Variants in SLC23A2 observed in about 807,000 individuals in gnomAD.
The protein encoded by SLC23A2 is Na(+)/L-ascorbic acid transporter 2.
SLC23A2 carries 36 observed loss-of-function variants against 73.3 expected under a neutral mutation model. The observed-to-expected ratio is 0.49, with a 90% confidence interval of 0.38 to 0.65. SLC23A2 has a LOEUF of 0.65. Among genes scored for constraint, SLC23A2 ranks in the 30% least tolerant of loss-of-function variants. The probability of loss-of-function intolerance (pLI) is 0.00; values close to 1 mark genes in which losing one functional copy is unlikely to be tolerated. For missense variants in SLC23A2, 507 were observed against 841.6 expected (o/e 0.60, Z 4.92); for synonymous variants, 343 against 327.3 (o/e 1.05, Z -0.52).
At chr20:4,889,395 C>T (rs983614061) in intron 6 of SLC23A2, among the ~76,000 whole-genome samples, 2 of 151,802 alleles carry the variant, frequency 1.3e-5, no homozygotes, top group African/African-American at 2.4e-5. Context: ...ACAAATGCCC[C>T]GCATTCTTCC....
chr20:4,971,724 C>T (rs1442446206), intron 1 of SLC23A2, among the ~76,000 whole-genome samples: 2 of 151,884 alleles, frequency 1.3e-5, no homozygotes, highest in East Asian at 3.9e-4. Context: ...GAGGTCAAGG[C>T]TGCAGTGAGC....
At chr20:4,912,667 CAAAAAAAA>C (rs36084071) in intron 4 of SLC23A2, among the ~76,000 whole-genome samples, 8 of 73,990 alleles carry the variant, frequency 1.1e-4, no homozygotes, top group East Asian at 4.7e-4. Flanking sequence ...TTAAAACAAT[CAAAAAAAA>C]AAAAAAAAAA....
At chr20:4,989,913 A>G (rs2087898457) in intron 1 of SLC23A2, among the ~76,000 whole-genome samples, 4 of 152,126 alleles carry the variant, frequency 2.6e-5, no homozygotes, top group Admixed American at 2.0e-4. Context: ...GTGCTATTAC[A>G]TTTTCCTCAC....
At chr20:5,004,178 G>A (rs991509074), upstream of SLC23A2, among the ~76,000 whole-genome samples, 2 of 152,096 alleles carry the variant, frequency 1.3e-5, no homozygotes, top group African/African-American at 4.8e-5. Context: ...AACCTGCCCT[G>A]AATATTCTCC....
chr20:4,899,791 C>A lies in SLC23A2; in HGVS notation c.325-79G>T. On this transcript the variant is annotated intron_variant, in intron 5 of 16. Coordinates refer to ENST00000338244, the MANE Select transcript of SLC23A2 (RefSeq NM_005116.6). This position sits in a 1 kb window ranked among gnomAD's most constrained non-coding sequence, Gnocchi z 4.9. The stretch of plus-strand genomic sequence containing the variant: ...CTTGATTTCATCCTAATTCTTCTCT[C>A]TTATTGTCGTTAAAAAATAGCCCAC... 1.4e-6 allele frequency: 2 copies of A among 1,418,786 alleles called. No homozygotes were observed. The highest frequency in any genetic ancestry group is 2.0e-5 in the Admixed American group (1 of 49,488). The allele number at this position is 1,418,786 out of a possible 1,614,324, so 87.9% of individuals were successfully genotyped here.
chr20:4,895,710 T>C (rs1353197268), intron 6 of SLC23A2, among the ~76,000 whole-genome samples: 1 of 152,178 alleles, frequency 6.6e-6, no homozygotes, highest in African/African-American at 2.4e-5. Context: ...CCCAAGGGGT[T>C]AGAATTCCAT....
chr20:5,005,772 G>A (rs2088183997), upstream of SLC23A2, among the ~76,000 whole-genome samples: 1 of 152,150 alleles, frequency 6.6e-6, no homozygotes, highest in South Asian at 2.1e-4. Flanking sequence ...TGGATCACTT[G>A]AGGTCAGGAG....
intron 2 of SLC23A2, among the ~76,000 whole-genome samples, chr20:4,954,698 C>T (rs979050675): frequency 1.8e-5 from 1 of 55,120 alleles, no homozygotes; most frequent in Non-Finnish European, 4.4e-5. Context: ...GACTCCATCA[C>T]AAAAAAAAAA....
upstream of SLC23A2, among the ~76,000 whole-genome samples, chr20:5,003,865 C>T (rs1162681307): frequency 6.6e-6 from 1 of 152,130 alleles, no homozygotes; most frequent in Non-Finnish European, 1.5e-5. Flanking sequence ...GGTTTACAGT[C>T]CTTTTCTTCT....
intron 4 of SLC23A2, among the ~76,000 whole-genome samples, chr20:4,904,701 A>G (rs1247501615): frequency 6.6e-6 from 1 of 152,262 alleles, no homozygotes; most frequent in East Asian, 1.9e-4. Context: ...ATTTCATAAC[A>G]AAGAGAAATG....
chr20:4,864,971 T>C (rs780196814), intron 13 of SLC23A2, among the ~76,000 whole-genome samples: 2 of 152,208 alleles, frequency 1.3e-5, no homozygotes, highest in Non-Finnish European at 2.9e-5. Flanking sequence ...GTCAACAATA[T>C]ATGCAGCAAC....
intron 6 of SLC23A2, among the ~76,000 whole-genome samples, chr20:4,895,625 G>A (rs1477315584): frequency 6.6e-6 from 1 of 152,180 alleles, no homozygotes; most frequent in Non-Finnish European, 1.5e-5. Context: ...AACGGGGCTC[G>A]AGGGGTCACT....
upstream of SLC23A2, among the ~76,000 whole-genome samples, chr20:5,002,248 G>A (rs896433784): frequency 3.3e-5 from 5 of 152,270 alleles, no homozygotes; most frequent in African/African-American, 9.6e-5. Context: ...GATGCAGATG[G>A]CTGGGCCCCA....
chr20:4,873,402 A>G (rs1032842927), intron 11 of SLC23A2, among the ~76,000 whole-genome samples: 5 of 152,348 alleles, frequency 3.3e-5, no homozygotes, highest in African/African-American at 1.2e-4. Context: ...TCACACCCCC[A>G]ACAGTTACAC....
intron 2 of SLC23A2, among the ~76,000 whole-genome samples, chr20:4,962,887 C>CA (rs1471269647): frequency 2.6e-5 from 4 of 152,150 alleles, no homozygotes; most frequent in Non-Finnish European, 4.4e-5. Context: ...ATCCCAGCTA[C>CA]TCAGGGGGCT....
At chr20:4,922,674 G>T (rs1010723351) in intron 3 of SLC23A2, among the ~76,000 whole-genome samples, 2 of 152,080 alleles carry the variant, frequency 1.3e-5, no homozygotes, top group Middle Eastern at 6.8e-3. Flanking sequence ...CAAAAAATAC[G>T]AAAATTAGCT....
intron 4 of SLC23A2, among the ~76,000 whole-genome samples, chr20:4,903,271 C>T (rs1426240948): frequency 6.6e-6 from 1 of 152,016 alleles, no homozygotes; most frequent in Non-Finnish European, 1.5e-5. Flanking sequence ...AAAGACCAGT[C>T]ACTTTAGGTT....
chr20:4,873,005 C>T (rs997808850), intron 11 of SLC23A2, among the ~76,000 whole-genome samples: 15 of 152,192 alleles, frequency 9.9e-5, no homozygotes, highest in Non-Finnish European at 1.0e-4. Flanking sequence ...CCTCCTGCCT[C>T]GGCCTCCCCA....
At position 4,907,572 on chromosome 20, in the gene SLC23A2, CA is replaced by C. The variant is rs546981429; in HGVS notation, c.208-5015del. 1.5e-3 allele frequency among the ~76,000 whole-genome samples: 226 copies of C among 151,666 alleles called. 2 individuals are homozygous for C. The highest frequency in any genetic ancestry group is 4.8e-3 in the African/African-American group (197 of 41,352). The stretch of plus-strand genomic sequence containing the variant: ...AAAGACTTTAACCAGTAAACAAAAC[CA>C]AAAAACAATAAAAGAGGTCTCAGAA... On this transcript the variant is annotated intron_variant, in intron 4 of 16. Transcript: ENST00000338244.
Sources: gnomAD v4.1 joint callset for allele counts (sites outside exome capture counted in the v4.1 genomes callset) on GRCh38, gnomAD v4.1.1 for gene constraint, Gnocchi (gnomAD v3.1) non-coding constraint, MANE v1.5 for transcripts, NCBI Gene and HGNC (gene_info 2026-07-23, HGNC 2026-07-21) for gene names.